Variants in C18orf63 observed in about 807,000 individuals in gnomAD.
C18orf63 encodes the protein uncharacterized protein C18orf63.
A neutral mutation model predicts 75.3 loss-of-function variants in C18orf63; 50 were observed. The ratio of observed to expected loss-of-function variants is 0.66; its 90% CI spans 0.53 to 0.84. The LOEUF is 0.84. C18orf63 is among the 40% of genes least tolerant of loss of function. The pLI is 0.00. For synonymous variants in C18orf63, 232 were observed against 267.6 expected (o/e 0.87, Z 1.30); for missense variants, 732 against 800.2 (o/e 0.91, Z 1.03).
At chr18:74,324,417 G>A (rs1329215819) in intron 4 of C18orf63, among the ~76,000 whole-genome samples, 1 of 152,020 alleles carries the variant, frequency 6.6e-6, no homozygotes, top group African/African-American at 2.4e-5. Flanking sequence ...TTAAAAGCTT[G>A]GTGATTTTTG....
At chr18:74,333,566 G>T (rs1339213832) in intron 7 of C18orf63, among the ~76,000 whole-genome samples, 14 of 152,154 alleles carry the variant, frequency 9.2e-5, no homozygotes, top group South Asian at 2.1e-4. Context: ...AGGGGGAAAG[G>T]CCCTTTATAA....
chr18:74,338,360 A>G (rs1264466799), intron 7 of C18orf63, among the ~76,000 whole-genome samples: 9 of 152,174 alleles, frequency 5.9e-5, no homozygotes, highest in Non-Finnish European at 1.5e-5. Context: ...AATTGAGGTT[A>G]AAAGCTATTA....
chr18:74,343,518 G>T lies in C18orf63; in HGVS notation c.795-1G>T. 1.3e-6 allele frequency: 2 copies of T among 1,514,794 alleles called. No homozygotes were observed. Among genetic ancestry groups the T allele is most frequent in the Non-Finnish European group, 8.8e-7 (1 of 1,136,434 alleles). The allele number at this position is 1,514,794 out of a possible 1,614,324, so 93.8% of individuals were successfully genotyped here. The stretch of plus-strand genomic sequence containing the variant: ...AGACATTGTTCTTTAACATTGTTCA[G>T]ATATCCTCTCAGTTGCATCAGAAGT... On this transcript the variant is annotated splice_acceptor_variant, in intron 10 of 13. Transcript: ENST00000579455. LOFTEE classifies it high-confidence loss of function.
chr18:74,353,343 T>G lies in C18orf63; in HGVS notation c.1076T>G (p.Leu359Arg). The stretch of plus-strand genomic sequence containing the variant: ...AGAAAGCCTGCCTGTGCTCAAAGTC[T>G]TCTACCATGTTCAGTAGCAGTGGAC... ...TSRKPACAQS[L>R]LPCSVAVDHK... The change falls in exon 12 of 14, where the codon CTT becomes CGT. Residue 359 changes from leucine to arginine, a missense_variant. Around this residue, in one of 3 missense-constraint regions of C18orf63, gnomAD observed 495 missense variants for 508.7 expected, o/e 0.97. Coordinates refer to ENST00000579455, the MANE Select transcript of C18orf63 (RefSeq NM_001174123.2). The G allele has an allele frequency of 1.3e-6, 2 of 1,536,556 alleles. No individual in the cohort carries two copies. The highest frequency in any genetic ancestry group is 1.7e-6 in the Non-Finnish European group (2 of 1,146,990).
intron 10 of C18orf63, among the ~76,000 whole-genome samples, chr18:74,342,631 G>T (rs1984507843): frequency 6.6e-6 from 1 of 152,090 alleles, no homozygotes; most frequent in South Asian, 2.1e-4. Context: ...TTAGCCAAGT[G>T]CTCCCTCCAG....
At chr18:74,341,354 G>A (rs1158338943) in intron 8 of C18orf63, among the ~76,000 whole-genome samples, 3 of 146,136 alleles carry the variant, frequency 2.1e-5, no homozygotes, top group Admixed American at 6.9e-5. Context: ...GAAAGTAATG[G>A]CAAAAATCGC....
At chr18:74,349,045 C>A (rs1181337581) in intron 11 of C18orf63, among the ~76,000 whole-genome samples, 4 of 152,156 alleles carry the variant, frequency 2.6e-5, no homozygotes, top group African/African-American at 9.7e-5. Context: ...TGTTCGAATA[C>A]AAATAACTTA....
At chr18:74,318,838 A>G (rs1984072082) in intron 2 of C18orf63, among the ~76,000 whole-genome samples, 1 of 152,094 alleles carries the variant, frequency 6.6e-6, no homozygotes, top group Non-Finnish European at 1.5e-5. Flanking sequence ...AACCTAAAGT[A>G]TAATTCCATG....
At position 74,358,180 on chromosome 18, in the gene C18orf63, T is replaced by A. The variant is rs1440533224; in HGVS notation, c.*1733T>A. ...ATCTTCCAGTTCTTTATATAAATAA[T>A]CTTGATAGCCCCTCCTATACTCCAT... On this transcript the variant is annotated 3_prime_UTR_variant, in exon 14 of 14. Transcript: ENST00000579455. The A allele has an allele frequency of 6.6e-6, 1 of 152,162 alleles. No individual in the cohort carries two copies. The highest frequency in any genetic ancestry group is 1.5e-5 in the Non-Finnish European group (1 of 68,026). 9.4% of individuals were successfully genotyped at this position (152,162 alleles called of 1,614,324 possible).
intron 11 of C18orf63, among the ~76,000 whole-genome samples, chr18:74,352,185 C>T (rs182004947): frequency 1.3e-5 from 2 of 152,116 alleles, no homozygotes; most frequent in East Asian, 1.9e-4. Flanking sequence ...CATGTGGTAC[C>T]TAGAATGGGC....
rs1223193394 is a variant in C18orf63 at position 74,357,440 on chromosome 18, T to G, written c.*993T>G. Reference sequence around the variant, plus strand: ...AAAAGAGAAACAGAAGTGGAGCTTCTCAGACAATGAATATTATTCTGGCTT... The same window carrying G: ...AAAAGAGAAACAGAAGTGGAGCTTCGCAGACAATGAATATTATTCTGGCTT... On this transcript the variant is annotated 3_prime_UTR_variant, in exon 14 of 14. Coordinates refer to ENST00000579455, the MANE Select transcript of C18orf63 (RefSeq NM_001174123.2). 3.3e-5 allele frequency: 5 copies of G among 152,244 alleles called. No individual in the cohort carries two copies. Among genetic ancestry groups the G allele is most frequent in the Admixed American group, 3.3e-4 (5 of 15,280 alleles). The allele number at this position is 152,244 out of a possible 1,614,324, so 9.4% of individuals were successfully genotyped here. A position where few individuals can be genotyped will look rare whatever the true frequency, so the allele number is the denominator to read the frequency against.
chr18:74,345,821 T>C lies in C18orf63; in HGVS notation c.978+2119T>C, dbSNP rs79800781. 4.6e-3 allele frequency among the ~76,000 whole-genome samples: 703 copies of C among 152,122 alleles called. 7 individuals are homozygous for C. The highest frequency in any genetic ancestry group is 0.032 in the East Asian group (166 of 5,184). On this transcript the variant is annotated intron_variant, in intron 11 of 13. Transcript: ENST00000579455. The stretch of plus-strand genomic sequence containing the variant: ...ATCTTAATTATGTAATCTTAAATTT[T>C]ATATTTATTATAAATAGTGTTTTAA...
chr18:74,332,278 C>G (rs564025260), intron 7 of C18orf63, among the ~76,000 whole-genome samples: 34 of 152,136 alleles, frequency 2.2e-4, no homozygotes, highest in South Asian at 6.2e-4. Flanking sequence ...GCTGAGGTCT[C>G]TCTTCCTTTT....
chr18:74,321,493 G>C (rs1984120702), intron 3 of C18orf63, among the ~76,000 whole-genome samples: 1 of 151,426 alleles, frequency 6.6e-6, no homozygotes, highest in Non-Finnish European at 1.5e-5. Flanking sequence ...TGTGTAGAGA[G>C]AGGGTTTTCC....
intron 4 of C18orf63, among the ~76,000 whole-genome samples, 171 bp from the exon 5 acceptor site, chr18:74,327,776 T>C (rs1984233534): frequency 6.6e-6 from 1 of 152,224 alleles, no homozygotes; most frequent in Non-Finnish European, 1.5e-5. Flanking sequence ...ATTTTAACAC[T>C]TCTTTAACTT....
intron 13 of C18orf63, among the ~76,000 whole-genome samples, chr18:74,354,984 A>G (rs1190214151): frequency 2.6e-5 from 4 of 152,236 alleles, no homozygotes; most frequent in African/African-American, 9.6e-5. Context: ...AGTGCTGGCT[A>G]TGTTTAAACT....
At chr18:74,345,502 G>T (rs1053731194) in intron 11 of C18orf63, among the ~76,000 whole-genome samples, 2 of 151,822 alleles carry the variant, frequency 1.3e-5, no homozygotes, top group African/African-American at 4.8e-5. Context: ...TCCAATAAAA[G>T]GTTGTTTTGC....
chr18:74,326,403 T>C (rs1216355015), intron 4 of C18orf63, among the ~76,000 whole-genome samples: 1 of 152,224 alleles, frequency 6.6e-6, no homozygotes, highest in Non-Finnish European at 1.5e-5. Flanking sequence ...CAGCCTTGGC[T>C]CTTTCTCCAG....
chr18:74,319,665 CT>C (rs1984086553), intron 2 of C18orf63, among the ~76,000 whole-genome samples: 1 of 152,102 alleles, frequency 6.6e-6, no homozygotes, highest in African/African-American at 2.4e-5. Flanking sequence ...GTCAGTAGTT[CT>C]AAATGTTTAA....
Sources: gnomAD v4.1 joint callset for allele counts (sites outside exome capture counted in the v4.1 genomes callset) on GRCh38, gnomAD v4.1.1 for gene constraint, gnomAD v4.1.1 regional missense constraint, MANE v1.5 for transcripts, NCBI Gene and HGNC (gene_info 2026-07-23, HGNC 2026-07-21) for gene names.